The following ZC3H7B variants were observed in gnomAD, a reference collection of about 807,000 sequenced individuals.
ZC3H7B encodes zinc finger CCCH domain-containing protein 7B.
In ZC3H7B, 35 loss-of-function variants were observed where a neutral mutation model predicts 116.0. The observed-to-expected ratio is 0.30, with a 90% CI of 0.23 to 0.40. ZC3H7B has a LOEUF of 0.40. ZC3H7B is among the 10% of genes least tolerant of loss of function. The pLI, the probability that ZC3H7B is intolerant of heterozygous loss-of-function variation, is 1.00. For missense variants in ZC3H7B, 1,011 were observed against 1,321.5 expected (o/e 0.77, Z 3.64); for synonymous variants, 502 against 545.6 (o/e 0.92, Z 1.11).
intron 1 of ZC3H7B, among the ~76,000 whole-genome samples, chr22:41,310,132 G>A (rs1006545708): frequency 6.6e-6 from 1 of 152,162 alleles, no homozygotes; most frequent in Admixed American, 6.6e-5. Flanking sequence ...GTGAACCCGG[G>A]AGGCGGAGCT....
rs952093996 is a variant in ZC3H7B at position 41,327,199 on chromosome 22, C to G, written c.286-7C>G. The G allele has an allele frequency of 6.2e-7, 1 of 1,613,404 alleles. No homozygotes were observed. Among genetic ancestry groups the G allele is most frequent in the Non-Finnish European group, 8.5e-7 (1 of 1,179,884 alleles). Reference sequence around the variant, plus strand: ...TTGACCAGTGACCACATGCTCCTCTCTGGCAGGGCCTGTATGAGAAGGCGC... The same window carrying G: ...TTGACCAGTGACCACATGCTCCTCTGTGGCAGGGCCTGTATGAGAAGGCGC... On this transcript the variant is annotated splice_polypyrimidine_tract_variant and splice_region_variant and intron_variant, in intron 4 of 22. Coordinates refer to ENST00000352645, the MANE Select transcript of ZC3H7B (RefSeq NM_017590.6). This position sits in a 1 kb window ranked among gnomAD's most constrained non-coding sequence, Gnocchi z 4.5.
intron 1 of ZC3H7B, among the ~76,000 whole-genome samples, chr22:41,306,955 A>G (rs981073661): frequency 6.7e-6 from 1 of 149,798 alleles, no homozygotes; most frequent in Non-Finnish European, 1.5e-5. Context: ...AGGAGCCTCC[A>G]CAGAGGTCAG....
chr22:41,327,447 C>T lies in ZC3H7B; in HGVS notation c.444+83C>T. 2 of 1,536,460 alleles carry T rather than the reference C, an allele frequency of 1.3e-6. No individual in the cohort carries two copies. Among genetic ancestry groups the T allele is most frequent in the Non-Finnish European group, 8.8e-7 (1 of 1,139,176 alleles). On this transcript the variant is annotated intron_variant, in intron 5 of 22. Transcript: ENST00000352645. This position sits in a 1 kb window ranked among gnomAD's most constrained non-coding sequence, Gnocchi z 4.5. ...CCGGCCCTCACTTGGGCCCAGCCACCACATCCTTCTGTGTCTCACTTCCTC... is the reference window on the plus strand; with the variant it reads ...CCGGCCCTCACTTGGGCCCAGCCACTACATCCTTCTGTGTCTCACTTCCTC...
rs1433338741 is a variant in ZC3H7B, at chr22:41,360,044, A to G, written c.*2615A>G. On this transcript the variant is annotated 3_prime_UTR_variant, in exon 23 of 23. Coordinates refer to ENST00000352645, the MANE Select transcript of ZC3H7B (RefSeq NM_017590.6). ...ATTCATAAGGTCTAGTATCTTGATA[A>G]TAATGTAGATGTTTTAATAACAATT... 1 of 152,494 alleles carries G rather than the reference A, an allele frequency of 6.6e-6. No individual in the cohort carries two copies. Among genetic ancestry groups the G allele is most frequent in the Non-Finnish European group, 1.5e-5 (1 of 68,044 alleles). The allele number at this position is 152,494 out of a possible 1,614,324, so 9.4% of individuals were successfully genotyped here.
intron 1 of ZC3H7B, among the ~76,000 whole-genome samples, chr22:41,315,012 T>C (rs2036163321): frequency 6.6e-6 from 1 of 151,464 alleles, no homozygotes; most frequent in South Asian, 2.1e-4. Context: ...GTTTGGCCTA[T>C]ATGCTTCTTG....
Position 41,327,466 on chromosome 22 carries a change from C to T in ZC3H7B, c.444+102C>T. ...AGCCACCACATCCTTCTGTGTCTCA[C>T]TTCCTCCCCTGTGACATGGCCATGC... On this transcript the variant is annotated intron_variant, in intron 5 of 22. Transcript: ENST00000352645. The surrounding 1 kb of genome is among the most constrained non-coding windows in gnomAD (Gnocchi z 4.5). 2.1e-6 allele frequency: 3 copies of T among 1,458,414 alleles called. No individual in the cohort carries two copies. Among genetic ancestry groups the T allele is most frequent in the Non-Finnish European group, 2.8e-6 (3 of 1,079,882 alleles). 90.3% of individuals were successfully genotyped at this position (1,458,414 alleles called of 1,614,324 possible).
At chr22:41,308,778 T>TG (rs2036079799) in intron 1 of ZC3H7B, among the ~76,000 whole-genome samples, 1 of 152,192 alleles carries the variant, frequency 6.6e-6, no homozygotes, top group Admixed American at 6.6e-5. Flanking sequence ...GCCTGCCCCT[T>TG]GCACTTTGCC....
chr22:41,334,046 G>A (rs552918638), intron 7 of ZC3H7B: 1 of 152,468 alleles, frequency 6.6e-6, no homozygotes, highest in East Asian at 1.9e-4. Context: ...AGCTCAGAGT[G>A]TGGGAGGAAC....
At position 41,327,109 on chromosome 22, in the gene ZC3H7B, G is replaced by A. The variant is rs62238180; in HGVS notation, c.286-97G>A. 115,477 of 1,529,260 alleles carry A rather than the reference G, an allele frequency of 0.076. 5,065 individuals carry two copies. Among genetic ancestry groups the A allele is most frequent in the Non-Finnish European group, 0.088 (99,798 of 1,133,740 alleles). The allele number at this position is 1,529,260 out of a possible 1,614,324, so 94.7% of individuals were successfully genotyped here. ...ACTTCAGCTCCTCTGTCTCTGCCAG[G>A]AAGGGAAGCTGGTGTTCCTTCCTAG... On this transcript the variant is annotated intron_variant, in intron 4 of 22. Coordinates refer to ENST00000352645, the MANE Select transcript of ZC3H7B (RefSeq NM_017590.6). This position sits in a 1 kb window ranked among gnomAD's most constrained non-coding sequence, Gnocchi z 4.5.
chr22:41,312,012 TC>T (rs1255991598), intron 1 of ZC3H7B, among the ~76,000 whole-genome samples: 1 of 152,106 alleles, frequency 6.6e-6, no homozygotes, highest in Non-Finnish European at 1.5e-5. Flanking sequence ...TAAGGTTGCT[TC>T]TAGTTTTCCA....
chr22:41,320,629 C>A (rs762073893), intron 1 of ZC3H7B, 26 bp from the exon 2 acceptor site: 2 of 1,613,588 alleles, frequency 1.2e-6, no homozygotes, highest in South Asian at 2.2e-5. Context: ...TGCTGACTGA[C>A]TGATGGACTG....
rs889351871 is a variant in ZC3H7B at position 41,356,204 on chromosome 22, C to T, written c.2384-139C>T. 5 of 1,498,766 alleles carry T rather than the reference C, an allele frequency of 3.3e-6. No homozygotes were observed. The Admixed American group carries it at 6.4e-5, about 19-fold the overall frequency. 92.8% of individuals were successfully genotyped at this position (1,498,766 alleles called of 1,614,324 possible). A position where few individuals can be genotyped will look rare whatever the true frequency, so the allele number is the denominator to read the frequency against. On this transcript the variant is annotated intron_variant, in intron 20 of 22. Coordinates refer to ENST00000352645, the MANE Select transcript of ZC3H7B (RefSeq NM_017590.6). Reference sequence around the variant, plus strand: ...CTCCACCTGCCCCATGCCGGGCCCTCTCTGAGGCCAGGCCCTGAGGCTGAG... The same window carrying T: ...CTCCACCTGCCCCATGCCGGGCCCTTTCTGAGGCCAGGCCCTGAGGCTGAG...
At chr22:41,320,846 C>A in intron 2 of ZC3H7B, 133 bp downstream of exon 2, 1 of 1,250,720 alleles carries the variant, frequency 8.0e-7, no homozygotes. Context: ...CGCTGGGGTG[C>A]GGGCAGGTGG....
intron 1 of ZC3H7B, among the ~76,000 whole-genome samples, chr22:41,317,171 G>T (rs943050474): frequency 6.6e-6 from 1 of 150,834 alleles, no homozygotes; most frequent in Non-Finnish European, 1.5e-5. Context: ...GTAGAGATGG[G>T]GTTTCACCAT....
intron 1 of ZC3H7B, among the ~76,000 whole-genome samples, chr22:41,311,778 G>A (rs954633782): frequency 2.6e-5 from 4 of 152,028 alleles, no homozygotes; most frequent in Admixed American, 2.6e-4. Flanking sequence ...TCCCTTAAAT[G>A]GAAGCTCGGG....
In ZC3H7B at chr22:41,338,776, A is replaced by T. The variant is rs76300987; in HGVS notation, c.626-225A>T. On this transcript the variant is annotated intron_variant, in intron 8 of 22. Coordinates refer to ENST00000352645, the MANE Select transcript of ZC3H7B (RefSeq NM_017590.6). The surrounding 1 kb of genome is among the most constrained non-coding windows in gnomAD (Gnocchi z 4.5). ...TTTAGGCATTGAGCCTGGGCCAAGG[A>T]TTGACATCATAGGACTGAGGGCCCC... Among the ~76,000 whole-genome samples the T allele has an allele frequency of 3.9e-4, 59 of 152,240 alleles. No homozygotes were observed. The East Asian group carries it at 8.7e-3, about 22-fold the overall frequency.
chr22:41,321,303 C>G (rs933941223), intron 2 of ZC3H7B, among the ~76,000 whole-genome samples: 1 of 150,688 alleles, frequency 6.6e-6, no homozygotes, highest in Non-Finnish European at 1.5e-5. Flanking sequence ...GCAACTTCTG[C>G]CTCCTGGGTT....
chr22:41,332,070 C>G (rs778411092), intron 6 of ZC3H7B, 101 bp from the exon 7 acceptor site: 16 of 1,320,536 alleles, frequency 1.2e-5, no homozygotes, highest in Non-Finnish European at 1.7e-5. Flanking sequence ...CTGCAGACCC[C>G]AGCTGCTTGT....
chr22:41,340,540 G>C (rs927785108), intron 10 of ZC3H7B, among the ~76,000 whole-genome samples: 1 of 152,126 alleles, frequency 6.6e-6, no homozygotes. Context: ...GGAGGAAGCC[G>C]TCTTGTCTGG....
Sources: gnomAD v4.1 joint callset for allele counts (sites outside exome capture counted in the v4.1 genomes callset) on GRCh38, gnomAD v4.1.1 for gene constraint, Gnocchi (gnomAD v3.1) non-coding constraint, MANE v1.5 for transcripts, NCBI Gene and HGNC (gene_info 2026-07-23, HGNC 2026-07-21) for gene names.